RIMS1: variants seen among roughly 807,000 people sequenced by gnomAD.
RIMS1 encodes regulating synaptic membrane exocytosis 1, also known as regulating synaptic membrane exocytosis protein 1.
RIMS1 carries 83 observed loss-of-function variants against 214.1 expected under a neutral mutation model. The observed-to-expected ratio is 0.39, with a 90% CI of 0.32 to 0.47. The LOEUF (loss-of-function observed/expected upper bound fraction) is 0.47, where lower values mean the gene tolerates loss of function less well. Ranked by LOEUF, RIMS1 falls within the 20% of genes least tolerant of loss-of-function variation. RIMS1 has a pLI of 0.99. For synonymous variants in RIMS1, 793 were observed against 786.8 expected, an observed-to-expected ratio of 1.01 and a Z score of -0.13; for missense variants, 2,050 against 2,161.8, an observed-to-expected ratio of 0.95 and a Z score of 1.03.
intron 2 of RIMS1, among the ~76,000 whole-genome samples, chr6:72,018,036 G>C (rs1167619997): frequency 6.6e-6 from 1 of 152,144 alleles, no homozygotes; most frequent in African/African-American, 2.4e-5. Flanking sequence ...CACTTGAAGA[G>C]TTTGGCCTGA....
chr6:72,019,872 A>G (rs779544126), intron 2 of RIMS1, among the ~76,000 whole-genome samples: 8 of 152,120 alleles, frequency 5.3e-5, no homozygotes, highest in Non-Finnish European at 1.0e-4. Context: ...TATTGTCCAG[A>G]TAGTTGGTCC....
intron 1 of RIMS1, among the ~76,000 whole-genome samples, chr6:71,912,359 G>A (rs1777174309): frequency 6.6e-6 from 1 of 151,900 alleles, no homozygotes; most frequent in African/African-American, 2.4e-5. Flanking sequence ...TCCCTTCCCT[G>A]GGCTATTTAT....
chr6:71,900,995 A>G (rs745526748), intron 1 of RIMS1, among the ~76,000 whole-genome samples: 1 of 152,154 alleles, frequency 6.6e-6, no homozygotes, highest in African/African-American at 2.4e-5. Flanking sequence ...GGCCAGAGAT[A>G]TAGGATAAAA....
chr6:72,258,368 AAAATAGTTTGGTC>A (rs2076728823), intron 17 of RIMS1, 87 bp downstream of exon 17: 2 of 1,299,742 alleles, frequency 1.5e-6, no homozygotes, highest in Non-Finnish European at 2.1e-6. Flanking sequence ...CTGAAATGAA[AAAATAGTTTGGTC>A]AAATTATTTT....
At chr6:71,913,870 C>G (rs919128387) in intron 1 of RIMS1, among the ~76,000 whole-genome samples, 1 of 152,060 alleles carries the variant, frequency 6.6e-6, no homozygotes, top group Non-Finnish European at 1.5e-5. Context: ...AAGGACACTT[C>G]CTTTCTCTAC....
At position 72,284,046 on chromosome 6, in the gene RIMS1, G is replaced by A; in HGVS notation, c.3483-1G>A. The A allele has an allele frequency of 1.9e-6, 3 of 1,611,138 alleles. No homozygotes were observed. The highest frequency in any genetic ancestry group is 2.5e-6 in the Non-Finnish European group (3 of 1,177,888). On this transcript the variant is annotated splice_acceptor_variant, in intron 23 of 33. Coordinates refer to ENST00000521978, the MANE Select transcript of RIMS1 (RefSeq NM_014989.7). LOFTEE classifies it high-confidence loss of function. ...TTTGTGTTTAACATTTCATTCCACA[G>A]GCACTCCAGAAAGTCTGAAAGATCT...
chr6:72,246,318 G>A (rs1318947598), intron 11 of RIMS1, among the ~76,000 whole-genome samples: 2 of 152,128 alleles, frequency 1.3e-5, no homozygotes, highest in African/African-American at 2.4e-5. Flanking sequence ...AATGGGTGGA[G>A]TAAACTTCAT....
In RIMS1 at chr6:72,233,921, G is replaced by T. The variant is rs1348876964; in HGVS notation, c.1746+81G>T. The T allele has an allele frequency of 1.0e-5, 9 of 879,348 alleles. No homozygotes were observed. The Admixed American group carries it at 1.5e-4, about 14-fold the overall frequency. 54.5% of individuals were successfully genotyped at this position (879,348 alleles called of 1,614,324 possible). A position where few individuals can be genotyped will look rare whatever the true frequency, so the allele number is the denominator to read the frequency against. The stretch of plus-strand genomic sequence containing the variant: ...GTCCTTTGTCTGATATGTGATATCT[G>T]CTCTATTATTCATTTGGTAAGGGCA... On this transcript the variant is annotated intron_variant, in intron 7 of 33. Coordinates refer to ENST00000521978, the MANE Select transcript of RIMS1 (RefSeq NM_014989.7).
intron 29 of RIMS1, among the ~76,000 whole-genome samples, chr6:72,339,990 G>A (rs1255695187): frequency 6.6e-6 from 1 of 152,128 alleles, no homozygotes; most frequent in African/African-American, 2.4e-5. Flanking sequence ...ACTGGTTTGA[G>A]ATGGTATCTG....
chr6:72,333,779 A>T lies in RIMS1; in HGVS notation c.4310A>T (p.Lys1437Ile). The T allele has an allele frequency of 6.3e-7, 1 of 1,598,014 alleles. No homozygotes were observed. Among genetic ancestry groups the T allele is most frequent in the South Asian group, 1.1e-5 (1 of 88,062 alleles). Residue 1437 changes from lysine to isoleucine, a missense_variant, in exon 29 of 34, where the codon AAA (lysine) becomes ATA (isoleucine). Physicochemically the swap from Lys to Ile is moderately radical, Grantham distance 102. This residue lies in a region of RIMS1 where 889 missense variants were observed against 885.5 expected (regional missense o/e 1.00). Transcript: ENST00000521978. ...AAACGGAGATCCAGCCTTAGTGCCA[A>T]AGTGGTTGCCATAGTGTCTCGAAGG... ...GKKRRSSLSA[K>I]VVAIVSRRSR...
intron 27 of RIMS1, 134 bp from the exon 28 acceptor site, chr6:72,313,371 TA>T: frequency 3.1e-6 from 2 of 648,614 alleles, no homozygotes; most frequent in African/African-American, 3.6e-5. Flanking sequence ...GTATTTGGAT[TA>T]TTTTAGATAT....
intron 16 of RIMS1, among the ~76,000 whole-genome samples, chr6:72,254,154 A>G (rs534326848): frequency 3.4e-4 from 52 of 152,204 alleles, no homozygotes; most frequent in Middle Eastern, 3.4e-3. Flanking sequence ...GTGAGCCACC[A>G]TGCCTGGCCA....
chr6:72,377,100 C>A (rs531562115), intron 29 of RIMS1, among the ~76,000 whole-genome samples: 2 of 152,150 alleles, frequency 1.3e-5, no homozygotes, highest in East Asian at 3.9e-4. Context: ...TTTTAATGAC[C>A]AAGGAGGTCA....
intron 6 of RIMS1, among the ~76,000 whole-genome samples, chr6:72,229,051 T>C (rs2061158501): frequency 6.6e-6 from 1 of 151,902 alleles, no homozygotes. Context: ...ACCTTTTTTT[T>C]TTGGTCCTGG....
chr6:72,327,013 C>G (rs1163365531), intron 28 of RIMS1, among the ~76,000 whole-genome samples: 1 of 151,634 alleles, frequency 6.6e-6, no homozygotes, highest in African/African-American at 2.4e-5. Context: ...CCTACATAAA[C>G]TAGAAAAGGC....
At chr6:72,012,623 T>G (rs1311241078) in intron 2 of RIMS1, among the ~76,000 whole-genome samples, 1 of 152,118 alleles carries the variant, frequency 6.6e-6, no homozygotes, top group Non-Finnish European at 1.5e-5. Flanking sequence ...TGATGTATGC[T>G]GGGACCTAAG....
chr6:72,398,601 G>A (rs2098805419), intron 32 of RIMS1, among the ~76,000 whole-genome samples: 1 of 151,456 alleles, frequency 6.6e-6, no homozygotes, highest in Non-Finnish European at 1.5e-5. Context: ...TTCTTAGCTT[G>A]TGTCAATTAT....
chr6:72,203,382 G>A (rs949320759), intron 6 of RIMS1, among the ~76,000 whole-genome samples: 2 of 152,160 alleles, frequency 1.3e-5, no homozygotes, highest in Admixed American at 1.3e-4. Flanking sequence ...TTTAATATTA[G>A]AGCTGGGGTA....
chr6:71,939,689 G>A (rs1278756311), intron 1 of RIMS1, among the ~76,000 whole-genome samples: 1 of 152,128 alleles, frequency 6.6e-6, no homozygotes, highest in Non-Finnish European at 1.5e-5. Flanking sequence ...GGATAAAGGG[G>A]ACCAAACTCC....
Sources: gnomAD v4.1 joint callset for allele counts (sites outside exome capture counted in the v4.1 genomes callset) on GRCh38, gnomAD v4.1.1 for gene constraint, gnomAD v4.1.1 regional missense constraint, MANE v1.5 for transcripts, NCBI Gene and HGNC (gene_info 2026-07-23, HGNC 2026-07-21) for gene names.